GPATCH8: variants seen among roughly 807,000 people sequenced by gnomAD.
The protein encoded by GPATCH8 is G patch domain-containing protein 8.
Under a neutral mutation model 118.3 loss-of-function variants are expected in GPATCH8, and 18 were observed. The ratio of observed to expected loss-of-function variants is 0.15; its 90% confidence interval spans 0.11 to 0.23. GPATCH8 has a LOEUF of 0.23. GPATCH8 is among the 10% of genes least tolerant of loss of function. The pLI, the probability that GPATCH8 is intolerant of heterozygous loss-of-function variation, is 1.00. For missense variants in GPATCH8, 1,631 were observed against 1,873.8 expected (o/e 0.87, Z 2.39); for synonymous variants, 659 against 684.7 (o/e 0.96, Z 0.59).
chr17:44,414,169 A>ATC (rs1235272601), intron 6 of GPATCH8, among the ~76,000 whole-genome samples: 1 of 148,270 alleles, frequency 6.7e-6, no homozygotes, highest in Non-Finnish European at 1.5e-5. Context: ...GTATATATAT[A>ATC]TATGAACATA....
chr17:44,468,320 C>CA (rs1382796627), intron 2 of GPATCH8, among the ~76,000 whole-genome samples: 1 of 148,572 alleles, frequency 6.7e-6, no homozygotes, highest in Non-Finnish European at 1.5e-5. Context: ...GCTTACGGCT[C>CA]AAACAGGTAA....
intron 6 of GPATCH8, chr17:44,409,397 A>C (rs934215392): frequency 1.3e-5 from 2 of 152,246 alleles, no homozygotes; most frequent in South Asian, 2.1e-4. Context: ...TCCTTTACCT[A>C]GAATGAATGC....
In GPATCH8 at chr17:44,453,541, G is replaced by A. The variant is rs139064574; in HGVS notation, c.193+10931C>T. ...TGTGTGTGTGTGTGTGCAGGCGCGC[G>A]TTTTGAGACATGCTCTCACTGTCAT... is the stretch of plus-strand genomic sequence containing the variant. On this transcript the variant is annotated intron_variant, in intron 3 of 7. Transcript: ENST00000591680. 6.5e-3 allele frequency among the ~76,000 whole-genome samples: 989 copies of A among 151,336 alleles called. 18 individuals are homozygous for A. Among genetic ancestry groups the A allele is most frequent in the African/African-American group, 0.022 (901 of 41,148 alleles).
chr17:44,434,161 AAAAT>A (rs1008384138), intron 5 of GPATCH8, among the ~76,000 whole-genome samples: 72 of 151,136 alleles, frequency 4.8e-4, no homozygotes, highest in African/African-American at 1.5e-3. Context: ...TAATAATAAT[AAAAT>A]AAATAAATAA....
chr17:44,436,648 A>C, intron 3 of GPATCH8, 103 bp from the exon 4 acceptor site: 3 of 756,942 alleles, frequency 4.0e-6, no homozygotes, highest in Admixed American at 1.8e-5. Context: ...TGGAGTGCAG[A>C]GACCAGAAAG....
chr17:44,421,845 A>C (rs1380313295), intron 6 of GPATCH8, among the ~76,000 whole-genome samples: 1 of 151,266 alleles, frequency 6.6e-6, no homozygotes, highest in Non-Finnish European at 1.5e-5. Context: ...TCGTGCCTCG[A>C]ACCCCCAAGC....
chr17:44,395,728 C>T lies in GPATCH8; in HGVS notation c.*1840G>A, dbSNP rs551890058. 1.3e-5 allele frequency: 6 copies of T among 453,970 alleles called. 1 individual carries two copies. The highest frequency in any genetic ancestry group is 6.9e-5 in the East Asian group (1 of 14,410). The allele number at this position is 453,970 out of a possible 1,614,324, so 28.1% of individuals were successfully genotyped here. On this transcript the variant is annotated 3_prime_UTR_variant, in exon 8 of 8. Coordinates refer to ENST00000591680, the MANE Select transcript of GPATCH8 (RefSeq NM_001002909.4). Reference sequence around the variant, plus strand: ...TAAACTTTACTCTTTTGAGAATTTGCGAAGGCAGGAACAGAGCCTTGGCCC... The same window carrying T: ...TAAACTTTACTCTTTTGAGAATTTGTGAAGGCAGGAACAGAGCCTTGGCCC...
At chr17:44,442,110 T>C (rs201940743) in intron 3 of GPATCH8, among the ~76,000 whole-genome samples, 6 of 35,962 alleles carry the variant, frequency 1.7e-4, no homozygotes, top group Non-Finnish European at 5.0e-4. Context: ...TATATATACA[T>C]ATATATATAT....
At position 44,399,628 on chromosome 17, in the gene GPATCH8, C is replaced by A; in HGVS notation, c.2449G>T (p.Asp817Tyr). 6.2e-7 allele frequency: 1 copy of A among 1,614,226 alleles called. No individual in the cohort carries two copies. Among genetic ancestry groups the A allele is most frequent in the Non-Finnish European group, 8.5e-7 (1 of 1,180,036 alleles). Residue 817 changes from aspartate (D) to tyrosine (Y), a missense_variant, in exon 8 of 8, where the codon GAT becomes TAT. By Grantham distance (160) the Asp-to-Tyr change is radical. Around this residue, in one of 8 missense-constraint regions of GPATCH8, gnomAD observed 922 missense variants for 879.7 expected, o/e 1.05. Coordinates refer to ENST00000591680, the MANE Select transcript of GPATCH8 (RefSeq NM_001002909.4). The part of the protein sequence containing the change: ...SSHRSQPSSG[D>Y]EDSDDASSHR... The stretch of plus-strand genomic sequence containing the variant: ...GAGGAAGCATCATCACTATCCTCAT[C>A]TCCACTACTGGGTTGGCTCCGATGG...
chr17:44,407,139 T>C (rs925491162), intron 6 of GPATCH8: 2 of 152,036 alleles, frequency 1.3e-5, no homozygotes, highest in African/African-American at 4.8e-5. Context: ...TGAATCTTTT[T>C]AAATTGGGAG....
rs778450008 is a variant in GPATCH8, at chr17:44,399,736, G to C, written c.2341C>G (p.His781Asp). 1.9e-6 allele frequency: 3 copies of C among 1,613,900 alleles called. No individual in the cohort carries two copies. The highest frequency in any genetic ancestry group is 2.7e-5 in the African/African-American group (2 of 74,860). Residue 781 changes from histidine to aspartate, a missense_variant, in exon 8 of 8, where the codon CAT (histidine) becomes GAT (aspartate). His to Asp is a moderately conservative substitution (Grantham distance 81, BLOSUM62 -1). This residue lies in a region of GPATCH8 where 922 missense variants were observed against 879.7 expected (regional missense o/e 1.05). Transcript: ENST00000591680. ...EGGGGSSSQD[H>D]GGRKHKGELP... ...TCACCTTTGTGTTTCCTCCCACCAT[G>C]GTCTTGGGAGCTGCTACCACCCCCA...
chr17:44,501,690 T>A (rs1970082014), intron 1 of GPATCH8, among the ~76,000 whole-genome samples: 1 of 152,142 alleles, frequency 6.6e-6, no homozygotes, highest in African/African-American at 2.4e-5. Flanking sequence ...TTAAAGGCCC[T>A]GAAAATCCTG....
chr17:44,459,157 A>G (rs1256699666), intron 3 of GPATCH8, among the ~76,000 whole-genome samples: 1 of 152,176 alleles, frequency 6.6e-6, no homozygotes, highest in Non-Finnish European at 1.5e-5. Flanking sequence ...AGACACCAAA[A>G]TTAGGGATTT....
chr17:44,464,651 G>T (rs978247715), intron 2 of GPATCH8, 107 bp from the exon 3 acceptor site: 2 of 784,110 alleles, frequency 2.6e-6, no homozygotes, highest in East Asian at 2.4e-5. Context: ...CTACATATAT[G>T]CATGCAAAAA....
chr17:44,400,333 T>C lies in GPATCH8; in HGVS notation c.1744A>G (p.Lys582Glu), dbSNP rs1190768472. 1.2e-6 allele frequency: 2 copies of C among 1,614,204 alleles called. No homozygotes were observed. The highest frequency in any genetic ancestry group is 2.2e-5 in the South Asian group (2 of 91,082). Residue 582 changes from lysine to glutamate, a missense_variant, in exon 8 of 8, where the codon AAA becomes GAA. Lys to Glu is a moderately conservative substitution (Grantham distance 56). Coordinates refer to ENST00000591680, the MANE Select transcript of GPATCH8 (RefSeq NM_001002909.4). ...LYFDFKLSRNKDARTKGTEKP... is the reference protein window; with the variant it reads ...LYFDFKLSRNEDARTKGTEKP... ...TCTGTTCCTTTAGTTCTGGCATCTTTGTTCCTTGAAAGTTTAAAGTCAAAA... is the reference window on the plus strand; with the variant it reads ...TCTGTTCCTTTAGTTCTGGCATCTTCGTTCCTTGAAAGTTTAAAGTCAAAA...
intron 2 of GPATCH8, among the ~76,000 whole-genome samples, chr17:44,470,155 C>T (rs923488914): frequency 2.0e-5 from 3 of 152,222 alleles, no homozygotes; most frequent in Admixed American, 6.5e-5. Context: ...TGTTTTAAGT[C>T]TATGATGCAT....
At chr17:44,466,263 C>T (rs546648599) in intron 2 of GPATCH8, among the ~76,000 whole-genome samples, 1 of 152,270 alleles carries the variant, frequency 6.6e-6, no homozygotes, top group South Asian at 2.1e-4. Flanking sequence ...CCTCCTCAGC[C>T]TCTCAAAGTA....
chr17:44,417,946 G>T (rs556935472), intron 6 of GPATCH8, among the ~76,000 whole-genome samples: 1 of 152,204 alleles, frequency 6.6e-6, no homozygotes, highest in Admixed American at 6.5e-5. Flanking sequence ...TTTAAAATTT[G>T]GGAATCAACT....
intron 7 of GPATCH8, among the ~76,000 whole-genome samples, chr17:44,401,746 G>A (rs2143650209): frequency 6.6e-6 from 1 of 152,304 alleles, no homozygotes; most frequent in African/African-American, 2.4e-5. Flanking sequence ...GCTCATGCCT[G>A]TAATCCCAGC....
Sources: allele counts gnomAD v4.1 joint callset (sites outside exome capture counted in the v4.1 genomes callset), GRCh38; gene constraint gnomAD v4.1.1; regional missense constraint gnomAD v4.1.1; transcripts MANE v1.5; gene names NCBI Gene and HGNC (gene_info 2026-07-23, HGNC 2026-07-21).